The following WAPL variants were observed in gnomAD, a reference collection of about 807,000 sequenced individuals.
The protein encoded by WAPL is wings apart-like protein homolog.
A neutral mutation model predicts 121.0 loss-of-function variants in WAPL; 5 were observed. The observed-to-expected ratio is 0.04, with a 90% confidence interval of 0.02 to 0.09. The LOEUF (loss-of-function observed/expected upper bound fraction) is 0.09. Among genes scored for constraint, WAPL ranks in the 10% least tolerant of loss-of-function variants. The pLI, the probability that WAPL is intolerant of heterozygous loss-of-function variation, is 1.00. For missense variants in WAPL, 999 were observed against 1,410.8 expected (o/e 0.71, Z 4.68); for synonymous variants, 480 against 481.5 (o/e 1.00, Z 0.04).
At chr10:86,443,254 A>T in intron 17 of WAPL, 21 bp downstream of exon 17, 3 of 1,567,686 alleles carry the variant, frequency 1.9e-6, no homozygotes, top group Non-Finnish European at 2.6e-6. Flanking sequence ...TACATAAAAC[A>T]TCACTGAACT....
chr10:86,474,837 G>T (rs1002954496), intron 4 of WAPL, among the ~76,000 whole-genome samples: 2 of 152,184 alleles, frequency 1.3e-5, no homozygotes, highest in Non-Finnish European at 2.9e-5. Flanking sequence ...TCCAACAATG[G>T]GAATCCAGCA....
At chr10:86,512,969 T>C (rs1842493624) in intron 2 of WAPL, among the ~76,000 whole-genome samples, 1 of 152,134 alleles carries the variant, frequency 6.6e-6, no homozygotes, top group Admixed American at 6.5e-5. Context: ...CCTATTCAGT[T>C]TGTAATCTTG....
intron 2 of WAPL, among the ~76,000 whole-genome samples, chr10:86,506,222 G>A (rs780995044): frequency 2.0e-5 from 3 of 151,720 alleles, no homozygotes; most frequent in African/African-American, 7.3e-5. Context: ...GCAACAGAGC[G>A]AGACCATCTC....
intron 4 of WAPL, among the ~76,000 whole-genome samples, chr10:86,488,075 A>G (rs1212660972): frequency 6.6e-6 from 1 of 152,178 alleles, no homozygotes; most frequent in East Asian, 1.9e-4. Context: ...ACACATGTGG[A>G]GGATAATGGA....
intron 9 of WAPL, among the ~76,000 whole-genome samples, chr10:86,466,872 T>C (rs1564570367): frequency 1.3e-5 from 2 of 152,130 alleles, no homozygotes; most frequent in Non-Finnish European, 2.9e-5. Flanking sequence ...CTGATTTTTT[T>C]GTATTTTCTG....
At chr10:86,487,424 T>G (rs945151331) in intron 4 of WAPL, among the ~76,000 whole-genome samples, 1 of 152,134 alleles carries the variant, frequency 6.6e-6, no homozygotes, top group Non-Finnish European at 1.5e-5. Flanking sequence ...CTATCTTTCT[T>G]TTTCTCACCA....
At chr10:86,465,767 T>TA (rs1434922027) in intron 9 of WAPL, among the ~76,000 whole-genome samples, 2 of 152,306 alleles carry the variant, frequency 1.3e-5, no homozygotes, top group Admixed American at 6.5e-5. Context: ...TGTTTCTTTC[T>TA]AAAAAACTGG....
At position 86,521,399 on chromosome 10, in the gene WAPL, G is replaced by C. The variant is rs1842673943; in HGVS notation, c.-57C>G. 3 of 293,484 alleles carry C rather than the reference G, an allele frequency of 1.0e-5. No homozygotes were observed. The highest frequency in any genetic ancestry group is 7.9e-5 in the South Asian group (3 of 37,842). The allele number at this position is 293,484 out of a possible 1,614,324, so 18.2% of individuals were successfully genotyped here. On this transcript the variant is annotated 5_prime_UTR_variant, in exon 1 of 19. Transcript: ENST00000298767. ...CTGGCGGGTGCTTTGGCCACGGGCC[G>C]CCTCCGCCTCTCCCGCTCCCTACGG...
At chr10:86,480,536 TTC>T (rs1228973214) in intron 4 of WAPL, among the ~76,000 whole-genome samples, 9 of 152,152 alleles carry the variant, frequency 5.9e-5, no homozygotes, top group Admixed American at 1.3e-4. Flanking sequence ...AAAATAACAG[TTC>T]TCACAACTAA....
rs760322797 is a variant in WAPL at position 86,436,863 on chromosome 10, G to A, written c.*680C>T. The A allele has an allele frequency of 1.3e-5, 2 of 152,500 alleles. No homozygotes were observed. Among genetic ancestry groups the A allele is most frequent in the African/African-American group, 2.4e-5 (1 of 41,386 alleles). 9.4% of individuals were successfully genotyped at this position (152,500 alleles called of 1,614,324 possible). A position where few individuals can be genotyped will look rare whatever the true frequency, so the allele number is the denominator to read the frequency against. ...CTATGACACATTATGGTATGATATT[G>A]AATATGGTTGTGGTCTCAAAAGTAA... On this transcript the variant is annotated 3_prime_UTR_variant, in exon 19 of 19. Transcript: ENST00000298767.
At chr10:86,511,162 C>T (rs1381940255) in intron 2 of WAPL, among the ~76,000 whole-genome samples, 1 of 152,122 alleles carries the variant, frequency 6.6e-6, no homozygotes, top group African/African-American at 2.4e-5. Flanking sequence ...TTACTTAAGC[C>T]AGGTGGCATG....
chr10:86,439,091 A>G (rs1445667780), intron 17 of WAPL, among the ~76,000 whole-genome samples: 1 of 152,152 alleles, frequency 6.6e-6, no homozygotes, highest in African/African-American at 2.4e-5. Flanking sequence ...AAAACACACA[A>G]AAGCTCCCAA....
In WAPL at chr10:86,452,003, T is replaced by C; in HGVS notation, c.3078A>G (p.Ile1026Met). Reference sequence around the variant, plus strand: ...CCTGGACAGCATGAACTTGTCCACCTATCCTTAAACTATCATCCCCTTCTC... The same window carrying C: ...CCTGGACAGCATGAACTTGTCCACCCATCCTTAAACTATCATCCCCTTCTC... The part of the protein sequence containing the change: ...CSGEGDDSLR[I>M]GGQVHAVQAL... The change falls in exon 15 of 19, where the codon ATA becomes ATG. Residue 1026 changes from isoleucine to methionine, a missense_variant. By Grantham distance (10) the Ile-to-Met change is conservative. This residue lies in a region of WAPL where 126 missense variants were observed against 144.0 expected (regional missense o/e 0.87). Coordinates refer to ENST00000298767, the MANE Select transcript of WAPL (RefSeq NM_015045.5). The C allele has an allele frequency of 6.2e-7, 1 of 1,614,200 alleles. No individual in the cohort carries two copies. The highest frequency in any genetic ancestry group is 8.5e-7 in the Non-Finnish European group (1 of 1,180,030).
At chr10:86,478,068 AAAAG>A (rs1183574512) in intron 4 of WAPL, among the ~76,000 whole-genome samples, 61 of 152,098 alleles carry the variant, frequency 4.0e-4, no homozygotes, top group Middle Eastern at 3.4e-3. Flanking sequence ...AAAAAAAAAA[AAAAG>A]AAAGAAAGAA....
chr10:86,498,359 C>T (rs1432972214), intron 3 of WAPL, among the ~76,000 whole-genome samples: 1 of 152,134 alleles, frequency 6.6e-6, no homozygotes, highest in African/African-American at 2.4e-5. Context: ...TTCCAGTCTC[C>T]AGAAAAGATT....
In WAPL at chr10:86,472,883, A is replaced by C. The variant is rs772439847; in HGVS notation, c.1741-119T>G. 8 of 1,067,110 alleles carry C rather than the reference A, an allele frequency of 7.5e-6. No homozygotes were observed. The highest frequency in any genetic ancestry group is 1.0e-5 in the Non-Finnish European group (8 of 774,686). 66.1% of individuals were successfully genotyped at this position (1,067,110 alleles called of 1,614,324 possible). A position where few individuals can be genotyped will look rare whatever the true frequency, so the allele number is the denominator to read the frequency against. On this transcript the variant is annotated intron_variant, in intron 5 of 18. Transcript: ENST00000298767. The surrounding 1 kb of genome is among the most constrained non-coding windows in gnomAD (Gnocchi z 4.2). ...AAATAAAGCTTTTTAAAAAGCAGGGAGCAGGGAGGCCTCTCAAAGGTCTTT... is the reference window on the plus strand; with the variant it reads ...AAATAAAGCTTTTTAAAAAGCAGGGCGCAGGGAGGCCTCTCAAAGGTCTTT...
rs756376507 is a variant in WAPL, at chr10:86,499,711, T to C, written c.1525+7A>G. Reference sequence around the variant, plus strand: ...GTACTTATTATACATATTTTTTAAATTCTTACCTGCATTGTTAGTACCAGA... The same window carrying C: ...GTACTTATTATACATATTTTTTAAACTCTTACCTGCATTGTTAGTACCAGA... On this transcript the variant is annotated splice_region_variant and intron_variant, in intron 3 of 18. Coordinates refer to ENST00000298767, the MANE Select transcript of WAPL (RefSeq NM_015045.5). 6.5e-7 allele frequency: 1 copy of C among 1,543,120 alleles called. No individual in the cohort carries two copies. Among genetic ancestry groups the C allele is most frequent in the Non-Finnish European group, 8.7e-7 (1 of 1,152,122 alleles).
Position 86,443,344 on chromosome 10 carries a change from T to C in WAPL, c.3342A>G (p.Lys1114=). 1 of 1,614,060 alleles carries C rather than the reference T, an allele frequency of 6.2e-7. No individual in the cohort carries two copies. The highest frequency in any genetic ancestry group is 1.6e-4 in the Middle Eastern group (1 of 6,062). Residue 1114 remains lysine (K), a synonymous_variant, in exon 17 of 19, where the codon AAA becomes AAG. Transcript: ENST00000298767. ...DLNKALQHAG[K]HMEDCIVASY... ...AGGCCACAATGCAATCCTCCATGTG[T>C]TTGCCGGCATGCTGAAGGGCTGAGA... is the stretch of plus-strand genomic sequence containing the variant.
At chr10:86,449,224 CCAA>C (rs1163067798) in intron 15 of WAPL, among the ~76,000 whole-genome samples, 1 of 152,142 alleles carries the variant, frequency 6.6e-6, no homozygotes, top group Admixed American at 6.5e-5. Context: ...TGGATTCAGG[CCAA>C]CGTTATCAGT....
Sources: gnomAD v4.1 joint callset for allele counts (sites outside exome capture counted in the v4.1 genomes callset) on GRCh38, gnomAD v4.1.1 for gene constraint, gnomAD v4.1.1 regional missense constraint, Gnocchi (gnomAD v3.1) non-coding constraint, MANE v1.5 for transcripts, NCBI Gene and HGNC (gene_info 2026-07-23, HGNC 2026-07-21) for gene names.